DACH2: variants seen among roughly 807,000 people sequenced by gnomAD.
The protein encoded by DACH2 is dachshund homolog 2.
In DACH2, 17 loss-of-function variants were observed where a neutral mutation model predicts 35.8. The ratio of observed to expected loss-of-function variants is 0.48; its 90% CI spans 0.33 to 0.71. The LOEUF (loss-of-function observed/expected upper bound fraction) is 0.71. DACH2 is among the 30% of genes least tolerant of loss of function. The pLI, the probability that DACH2 is intolerant of heterozygous loss-of-function variation, is 0.02. For missense variants in DACH2, 469 were observed against 472.7 expected, an observed-to-expected ratio of 0.99 and a Z score of 0.07; for synonymous variants, 195 against 177.3, an observed-to-expected ratio of 1.10 and a Z score of -0.79.
intron 1 of DACH2, among the ~76,000 whole-genome samples, chrX:86,265,973 ATAT>A (rs1189662174): frequency 2.7e-5 from 3 of 111,614 alleles, no homozygotes; most frequent in Non-Finnish European, 5.7e-5. Context: ...GTGTATGTGT[ATAT>A]ATGATTTGTG....
chrX:86,738,658 G>T (rs1602876543), intron 6 of DACH2, among the ~76,000 whole-genome samples: 1 of 111,724 alleles, frequency 9.0e-6, no homozygotes, highest in Admixed American at 9.6e-5. Flanking sequence ...AATTTGTGAT[G>T]CATAAACATA....
intron 4 of DACH2, among the ~76,000 whole-genome samples, chrX:86,686,460 T>C (rs903355102): frequency 3.6e-5 from 4 of 110,304 alleles, no homozygotes; most frequent in African/African-American, 9.9e-5. Context: ...CTTGATCTCC[T>C]GACCTCGTGA....
intron 1 of DACH2, among the ~76,000 whole-genome samples, chrX:86,297,076 G>A: frequency 1.0e-5 from 1 of 95,790 alleles, no homozygotes; most frequent in Non-Finnish European, 2.0e-5. Context: ...TATATAATTA[G>A]AGCACTTAAC....
chrX:86,487,711 T>A (rs1264192547), intron 2 of DACH2, among the ~76,000 whole-genome samples: 1 of 112,210 alleles, frequency 8.9e-6, no homozygotes, highest in Non-Finnish European at 1.9e-5. Context: ...ATAAAAATAA[T>A]ACGGTGTTTA....
At chrX:86,633,553 C>T (rs951911629) in intron 3 of DACH2, among the ~76,000 whole-genome samples, 4 of 111,734 alleles carry the variant, frequency 3.6e-5, no homozygotes, top group Non-Finnish European at 5.6e-5. Context: ...TACCAATCCT[C>T]CTAAAACTCT....
chrX:86,307,894 A>T (rs768253851), intron 1 of DACH2, among the ~76,000 whole-genome samples: 1 of 112,059 alleles, frequency 8.9e-6, no homozygotes, highest in African/African-American at 3.2e-5. Flanking sequence ...ATCAGGCAGA[A>T]TTTATTGATT....
At chrX:86,696,845 A>G (rs2041073192) in intron 5 of DACH2, among the ~76,000 whole-genome samples, 1 of 111,499 alleles carries the variant, frequency 9.0e-6, no homozygotes, top group Non-Finnish European at 1.9e-5. Context: ...ATATGATAAA[A>G]TTCCCCTCAT....
chrX:86,610,373 CTT>C (rs760823849), intron 3 of DACH2, among the ~76,000 whole-genome samples: 258 of 64,329 alleles, frequency 4.0e-3, no homozygotes, highest in African/African-American at 0.013. Flanking sequence ...CTCTTTCTTT[CTT>C]TCTTTCTTTC....
At chrX:86,524,292 C>T (rs2038599459) in intron 3 of DACH2, among the ~76,000 whole-genome samples, 1 of 112,049 alleles carries the variant, frequency 8.9e-6, no homozygotes, top group Non-Finnish European at 1.9e-5. Context: ...AGGATTGCTC[C>T]TTGGATGAGA....
chrX:86,197,440 A>T (rs2032021428), intron 1 of DACH2, among the ~76,000 whole-genome samples: 1 of 111,610 alleles, frequency 9.0e-6, no homozygotes, highest in Non-Finnish European at 1.9e-5. Context: ...CAGGATAAAT[A>T]TCTCAATTAA....
intron 3 of DACH2, among the ~76,000 whole-genome samples, chrX:86,601,653 A>G (rs1368584363): frequency 8.9e-6 from 1 of 112,321 alleles, no homozygotes; most frequent in Non-Finnish European, 1.9e-5. Context: ...ATGAGGTAGT[A>G]GTTATCTATT....
At chrX:86,289,189 G>C (rs1463807688) in intron 1 of DACH2, among the ~76,000 whole-genome samples, 1 of 108,198 alleles carries the variant, frequency 9.2e-6, no homozygotes, top group African/African-American at 3.4e-5. Flanking sequence ...CAGGAGGAAG[G>C]TCCTGGAAAG....
intron 1 of DACH2, among the ~76,000 whole-genome samples, chrX:86,308,152 A>G (rs1268152065): frequency 1.8e-5 from 2 of 112,260 alleles, no homozygotes; most frequent in East Asian, 2.8e-4. Context: ...GGTCCAGAAG[A>G]TATACCCTTG....
intron 3 of DACH2, among the ~76,000 whole-genome samples, chrX:86,620,376 G>A (rs62593335): frequency 0.061 from 6,762 of 111,342 alleles, 187 homozygotes; most frequent in East Asian, 0.14. Flanking sequence ...TAGAGTCGGG[G>A]AATTGGTTTT....
At chrX:86,593,340 C>A (rs2039670864) in intron 3 of DACH2, among the ~76,000 whole-genome samples, 1 of 109,583 alleles carries the variant, frequency 9.1e-6, no homozygotes, top group Non-Finnish European at 1.9e-5. Context: ...TTAATCCAAC[C>A]TTGCACACTT....
At chrX:86,698,758 A>G (rs2041104406) in intron 5 of DACH2, among the ~76,000 whole-genome samples, 1 of 108,634 alleles carries the variant, frequency 9.2e-6, no homozygotes, top group African/African-American at 3.4e-5. Flanking sequence ...CTGGTCTTGA[A>G]TTCCTGGTCT....
chrX:86,292,330 G>A (rs1299630925), intron 1 of DACH2, among the ~76,000 whole-genome samples: 1 of 96,587 alleles, frequency 1.0e-5, no homozygotes, highest in Non-Finnish European at 2.0e-5. Flanking sequence ...TTCTTTATTA[G>A]TCTTACTAGC....
At chrX:86,458,427 G>A (rs751989754) in intron 2 of DACH2, among the ~76,000 whole-genome samples, 2 of 111,328 alleles carry the variant, frequency 1.8e-5, no homozygotes, top group Admixed American at 9.6e-5. Flanking sequence ...TTAATGAAGG[G>A]GATAATGGAC....
intron 5 of DACH2, among the ~76,000 whole-genome samples, chrX:86,706,874 A>T (rs989669368): frequency 1.8e-5 from 2 of 111,175 alleles, no homozygotes; most frequent in African/African-American, 6.5e-5. Flanking sequence ...ATAGCATTGA[A>T]TTAATTAATA....
Sources: allele counts gnomAD v4.1 joint callset (sites outside exome capture counted in the v4.1 genomes callset), GRCh38; gene constraint gnomAD v4.1.1; transcripts MANE v1.5; gene names NCBI Gene and HGNC (gene_info 2026-07-23, HGNC 2026-07-21).